Variants in LRIG3 observed in about 807,000 individuals in gnomAD.
LRIG3 encodes the protein leucine rich repeats and immunoglobulin like domains 3.
In LRIG3, 76 loss-of-function variants were observed where a neutral mutation model predicts 114.5. That is an observed-to-expected ratio of 0.66 (90% CI 0.55 to 0.80). LRIG3 has a LOEUF of 0.80. Ranked by LOEUF, LRIG3 falls within the 30% of genes least tolerant of loss-of-function variation. The probability of loss-of-function intolerance (pLI) is 0.00; values close to 1 mark genes in which losing one functional copy is unlikely to be tolerated. For synonymous variants in LRIG3, 512 were observed against 519.8 expected (o/e 0.98, Z 0.20); for missense variants, 1,239 against 1,382.8 (o/e 0.90, Z 1.65).
rs566353424 is a variant in LRIG3 at position 58,874,706 on chromosome 12, A to G, written c.2696-133T>C. 2.6e-6 allele frequency: 3 copies of G among 1,138,620 alleles called. No homozygotes were observed. In the Admixed American group the frequency reaches 7.8e-5, roughly 29 times the overall value. The allele number at this position is 1,138,620 out of a possible 1,614,324, so 70.5% of individuals were successfully genotyped here. A position where few individuals can be genotyped will look rare whatever the true frequency, so the allele number is the denominator to read the frequency against. The stretch of plus-strand genomic sequence containing the variant: ...TCATATAGACAAAAAAATTGCAAAA[A>G]TTTACAGTAGGGTTTTAAAAAATTT... On this transcript the variant is annotated intron_variant, in intron 16 of 18. Transcript: ENST00000320743.
At chr12:58,904,423 C>G (rs1871985099) in intron 3 of LRIG3, among the ~76,000 whole-genome samples, 2 of 152,238 alleles carry the variant, frequency 1.3e-5, no homozygotes, top group South Asian at 4.1e-4. Context: ...GAAGCTGTAC[C>G]TGATACTTTA....
intron 3 of LRIG3, among the ~76,000 whole-genome samples, chr12:58,909,061 T>A (rs1475111532): frequency 1.3e-5 from 2 of 152,232 alleles, no homozygotes; most frequent in African/African-American, 4.8e-5. Flanking sequence ...TTTCAGTCCC[T>A]GATTCAAGTA....
At chr12:58,887,755 C>T in intron 8 of LRIG3, 34 bp downstream of exon 8, 2 of 1,601,420 alleles carry the variant, frequency 1.2e-6, no homozygotes, top group East Asian at 2.2e-5. Flanking sequence ...GAACCAATTA[C>T]GTTCGAGTAC....
rs182146674 is a variant in LRIG3, at chr12:58,912,371, C to T, written c.383+1611G>A. ...ACTAGCCGGGCGTAGTGGCGGACGC[C>T]TGTAGTCCCAGCTACTTGGGAGGCT... On this transcript the variant is annotated intron_variant, in intron 3 of 18. Coordinates refer to ENST00000320743, the MANE Select transcript of LRIG3 (RefSeq NM_153377.5). Among the ~76,000 whole-genome samples, 369 of 152,268 alleles carry T rather than the reference C, an allele frequency of 2.4e-3. 15 individuals are homozygous for T. The highest frequency in any genetic ancestry group is 0.024 in the Admixed American group (365 of 15,288).
Position 58,877,715 on chromosome 12 carries a change from C to T in LRIG3, c.2221G>A (p.Glu741Lys), listed in dbSNP as rs780460862. The T allele has an allele frequency of 2.5e-6, 4 of 1,614,082 alleles. No individual in the cohort carries two copies. The highest frequency in any genetic ancestry group is 3.3e-5 in the Admixed American group (2 of 60,002). The change falls in exon 15 of 19, where the codon GAG becomes AAG. Residue 741 changes from glutamate to lysine, a missense_variant. Transcript: ENST00000320743. Reference protein sequence around the residue: ...TKDDSPLVVTERHFFAAGNQL... With the variant: ...TKDDSPLVVTKRHFFAAGNQL... Reference sequence around the variant, plus strand: ...TTGCCTGCTGCAAAAAAGTGCCTCTCGGTTACCACCAATGGGCTATCATCT... The same window carrying T: ...TTGCCTGCTGCAAAAAAGTGCCTCTTGGTTACCACCAATGGGCTATCATCT...
chr12:58,917,412 T>C (rs1170737883), intron 1 of LRIG3, among the ~76,000 whole-genome samples: 1 of 152,230 alleles, frequency 6.6e-6, no homozygotes, highest in Admixed American at 6.5e-5. Context: ...TGACATAAAC[T>C]CTAGCTTGCC....
intron 3 of LRIG3, among the ~76,000 whole-genome samples, chr12:58,912,352 C>G (rs1027093822): frequency 6.6e-6 from 1 of 152,094 alleles, no homozygotes; most frequent in Non-Finnish European, 1.5e-5. Flanking sequence ...AAAAACTAGC[C>G]GGGCGTAGTG....
intron 3 of LRIG3, among the ~76,000 whole-genome samples, chr12:58,900,110 C>T (rs1871790119): frequency 1.3e-5 from 2 of 152,250 alleles, no homozygotes; most frequent in Middle Eastern, 3.4e-3. Context: ...AATTTCCAGA[C>T]CTCTGTGTCA....
intron 1 of LRIG3, 159 bp from the exon 2 acceptor site, chr12:58,914,495 A>C (rs2120988802): frequency 3.6e-6 from 2 of 562,066 alleles, no homozygotes; most frequent in South Asian, 2.7e-5. Context: ...CCAAACTCAA[A>C]AATACAAGCT....
chr12:58,884,930 T>C (rs905515477), intron 10 of LRIG3, among the ~76,000 whole-genome samples: 1 of 151,916 alleles, frequency 6.6e-6, no homozygotes, highest in Admixed American at 6.6e-5. Flanking sequence ...CATACATCCA[T>C]GGTTATAAGC....
In LRIG3 at chr12:58,880,711, G is replaced by A. The variant is rs566187872; in HGVS notation, c.1671C>T (p.Gly557=). The A allele has an allele frequency of 1.7e-4, 281 of 1,614,126 alleles. 2 individuals carry two copies. In the South Asian group the frequency reaches 2.6e-3, roughly 15 times the overall value. The change falls in exon 13 of 19, where the codon GGC becomes GGT. Residue 557 remains glycine, a synonymous_variant. Coordinates refer to ENST00000320743, the MANE Select transcript of LRIG3 (RefSeq NM_153377.5). The part of the protein sequence containing the change: ...ENYAHLRAQG[G]EVMEYTTILR... ...GGATGGTGGTATACTCCATCACCTC[G>A]CCACCTTGGGCCCGGAGGTGTGCAT... is the stretch of plus-strand genomic sequence containing the variant.
Position 58,908,739 on chromosome 12 carries a change from T to C in LRIG3, c.383+5243A>G, listed in dbSNP as rs142471541. On this transcript the variant is annotated intron_variant, in intron 3 of 18. Transcript: ENST00000320743. ...TTTAAACTAAGTGTATAGAAGGAGATCTGTCTGAATTACGCTAAGTGCAGC... is the reference window on the plus strand; with the variant it reads ...TTTAAACTAAGTGTATAGAAGGAGACCTGTCTGAATTACGCTAAGTGCAGC... 3.8e-3 allele frequency among the ~76,000 whole-genome samples: 572 copies of C among 152,312 alleles called. 5 individuals carry two copies. The highest frequency in any genetic ancestry group is 0.013 in the African/African-American group (533 of 41,562).
intron 10 of LRIG3, among the ~76,000 whole-genome samples, chr12:58,884,722 A>AC: frequency 6.6e-6 from 1 of 152,202 alleles, no homozygotes; most frequent in Non-Finnish European, 1.5e-5. Context: ...TCAGAAGGTG[A>AC]CAACACAGTG....
chr12:58,906,048 G>A lies in LRIG3; in HGVS notation c.383+7934C>T, dbSNP rs187043068. On this transcript the variant is annotated intron_variant, in intron 3 of 18. Coordinates refer to ENST00000320743, the MANE Select transcript of LRIG3 (RefSeq NM_153377.5). ...ATTCATCTGCATCAGGAGAGCACAC[G>A]TCCTAGATAAATTTGGCAGTAAAGA... is the stretch of plus-strand genomic sequence containing the variant. Among the ~76,000 whole-genome samples the A allele has an allele frequency of 4.7e-4, 71 of 152,112 alleles. 1 individual carries two copies. The East Asian group carries it at 8.3e-3, about 18-fold the overall frequency.
chr12:58,878,980 C>T lies in LRIG3; in HGVS notation c.1927G>A (p.Asp643Asn). The T allele has an allele frequency of 6.2e-7, 1 of 1,614,234 alleles. No individual in the cohort carries two copies. The highest frequency in any genetic ancestry group is 8.5e-7 in the Non-Finnish European group (1 of 1,180,042). Residue 643 changes from aspartate to asparagine, a missense_variant, in exon 14 of 19, where the codon GAC becomes AAC. Physicochemically the swap from Asp to Asn is conservative, Grantham distance 23. Coordinates refer to ENST00000320743, the MANE Select transcript of LRIG3 (RefSeq NM_153377.5). ...QIAWQKDGGTDFPAARERRMH... is the reference protein window; with the variant it reads ...QIAWQKDGGTNFPAARERRMH... ...CGTCTCTCCCGTGCAGCTGGGAAGTCTGTGCCCCCATCCTTCTGCCAGGCT... is the reference window on the plus strand; with the variant it reads ...CGTCTCTCCCGTGCAGCTGGGAAGTTTGTGCCCCCATCCTTCTGCCAGGCT...
chr12:58,883,944 A>G (rs547370359), intron 10 of LRIG3, among the ~76,000 whole-genome samples: 1 of 152,364 alleles, frequency 6.6e-6, no homozygotes, highest in Non-Finnish European at 1.5e-5. Context: ...ATATACAAAT[A>G]AAAAATAAAA....
intron 16 of LRIG3, 150 bp from the exon 17 acceptor site, chr12:58,874,723 A>G (rs933799485): frequency 2.1e-6 from 2 of 949,206 alleles, no homozygotes; most frequent in Non-Finnish European, 3.1e-6. Flanking sequence ...GTAGGGTTTT[A>G]AAAAATTTAT....
chr12:58,911,121 G>A (rs1872259226), intron 3 of LRIG3, among the ~76,000 whole-genome samples: 5 of 152,144 alleles, frequency 3.3e-5, no homozygotes, highest in African/African-American at 9.7e-5. Context: ...GGGATTCAAA[G>A]GAAAGCATGT....
chr12:58,900,019 C>G (rs1871787074), intron 3 of LRIG3, among the ~76,000 whole-genome samples: 1 of 152,018 alleles, frequency 6.6e-6, no homozygotes, highest in Non-Finnish European at 1.5e-5. Context: ...AAGATGTTGC[C>G]CCCCCTCAAT....
Sources: allele counts gnomAD v4.1 joint callset (sites outside exome capture counted in the v4.1 genomes callset), GRCh38; gene constraint gnomAD v4.1.1; transcripts MANE v1.5; gene names NCBI Gene and HGNC (gene_info 2026-07-23, HGNC 2026-07-21).